The following PIP5K1C variants were observed in gnomAD, a reference collection of about 807,000 sequenced individuals.
The protein encoded by PIP5K1C is phosphatidylinositol 4-phosphate 5-kinase type-1 gamma.
A neutral mutation model predicts 80.1 loss-of-function variants in PIP5K1C; 45 were observed. That is an observed-to-expected ratio of 0.56 (90% CI 0.44 to 0.72). PIP5K1C has a LOEUF of 0.72. PIP5K1C is among the 30% of genes least tolerant of loss of function. The probability of loss-of-function intolerance (pLI) is 0.00; values close to 1 mark genes in which losing one functional copy is unlikely to be tolerated. For synonymous variants in PIP5K1C, 498 were observed against 420.1 expected (o/e 1.19, Z -2.27); for missense variants, 753 against 954.6 (o/e 0.79, Z 2.78).
At position 3,637,774 on chromosome 19, in the gene PIP5K1C, G is replaced by A. The variant is rs1242380441; in HGVS notation, c.1920+1110C>T. The A allele has an allele frequency of 1.3e-6, 2 of 1,532,802 alleles. No homozygotes were observed. Among genetic ancestry groups the A allele is most frequent in the Admixed American group, 2.0e-5 (1 of 50,944 alleles). 95.0% of individuals were successfully genotyped at this position (1,532,802 alleles called of 1,614,324 possible). ...AGAAGGTGGGGGGTGCCGGGGCAGG[G>A]GCAGGACCGAGGACCCTTCTCCCTT... is the stretch of plus-strand genomic sequence containing the variant. On this transcript the variant is annotated intron_variant, in intron 16 of 17. Coordinates refer to ENST00000335312, the MANE Select transcript of PIP5K1C (RefSeq NM_012398.3). The surrounding 1 kb of genome is among the most constrained non-coding windows in gnomAD (Gnocchi z 7.0).
Position 3,656,465 on chromosome 19 carries a change from G to A in PIP5K1C, c.561C>T (p.Ile187=), listed in dbSNP as rs139385951. 2.8e-5 allele frequency: 45 copies of A among 1,613,618 alleles called. No homozygotes were observed. The African/African-American group carries it at 3.7e-4, about 13-fold the overall frequency. ...FYVTSDDEFI[I]KTVMHKEAEF... ...CGGCCTCCTTGTGCATGACGGTCTT[G>A]ATGATGAACTCGTCGTCGCTGGTGA... The change falls in exon 6 of 18, where the codon ATC becomes ATT. Residue 187 remains isoleucine, a synonymous_variant. Coordinates refer to ENST00000335312, the MANE Select transcript of PIP5K1C (RefSeq NM_012398.3).
At chr19:3,671,657 G>T (rs1266731934) in intron 1 of PIP5K1C, among the ~76,000 whole-genome samples, 1 of 152,216 alleles carries the variant, frequency 6.6e-6, no homozygotes, top group African/African-American at 2.4e-5. Flanking sequence ...GGGCAGGCAG[G>T]AACGGGCAGC....
chr19:3,690,643 C>G (rs533604301), intron 1 of PIP5K1C, among the ~76,000 whole-genome samples: 18 of 152,248 alleles, frequency 1.2e-4, no homozygotes, highest in African/African-American at 4.1e-4. Flanking sequence ...ACCACATAAA[C>G]CCCAAAATAC....
rs1054383550 is a variant in PIP5K1C at position 3,632,938 on chromosome 19, C to T, written c.*229G>A. 18 of 530,416 alleles carry T rather than the reference C, an allele frequency of 3.4e-5. No homozygotes were observed. The highest frequency in any genetic ancestry group is 8.0e-5 in the African/African-American group (4 of 49,820). The allele number at this position is 530,416 out of a possible 1,614,324, so 32.9% of individuals were successfully genotyped here. A position where few individuals can be genotyped will look rare whatever the true frequency, so the allele number is the denominator to read the frequency against. ...AAGGACTCAAATGCGATTGGCCGCTCGGGAGGGTGGGTCTCACAGGGGCAG... is the reference window on the plus strand; with the variant it reads ...AAGGACTCAAATGCGATTGGCCGCTTGGGAGGGTGGGTCTCACAGGGGCAG... On this transcript the variant is annotated 3_prime_UTR_variant, in exon 18 of 18. Transcript: ENST00000335312.
rs994180789 is a variant in PIP5K1C, at chr19:3,688,095, C to T, written c.94+12202G>A. Among the ~76,000 whole-genome samples, 3 of 152,140 alleles carry T rather than the reference C, an allele frequency of 2.0e-5. No individual in the cohort carries two copies. The highest frequency in any genetic ancestry group is 4.8e-5 in the African/African-American group (2 of 41,430). On this transcript the variant is annotated intron_variant, in intron 1 of 17. Transcript: ENST00000335312. The surrounding 1 kb of genome is among the most constrained non-coding windows in gnomAD (Gnocchi z 5.3). ...GCCAGCCCCTGGGGGAAGCCCGGCC[C>T]GTGCGGGCTGCGGGAGATCCTGATG...
chr19:3,695,351 C>T (rs1449948062), intron 1 of PIP5K1C, among the ~76,000 whole-genome samples: 5 of 152,230 alleles, frequency 3.3e-5, no homozygotes, highest in African/African-American at 1.2e-4. Flanking sequence ...TCCCTCTCCT[C>T]CAACAGCAAC....
intron 8 of PIP5K1C, among the ~76,000 whole-genome samples, chr19:3,650,536 A>G (rs1170994787): frequency 1.3e-5 from 2 of 152,210 alleles, no homozygotes; most frequent in Non-Finnish European, 2.9e-5. Context: ...GACGCTGCTC[A>G]GCACCCTGCA....
intron 1 of PIP5K1C, among the ~76,000 whole-genome samples, chr19:3,668,767 C>T (rs977496910): frequency 3.3e-5 from 5 of 152,004 alleles, no homozygotes; most frequent in African/African-American, 1.2e-4. Context: ...AGGCGGGGTG[C>T]GGATCAGCAA....
intron 14 of PIP5K1C, 47 bp downstream of exon 14, chr19:3,642,860 C>G: frequency 6.6e-7 from 1 of 1,525,572 alleles, no homozygotes; most frequent in Non-Finnish European, 9.1e-7. Context: ...GGGAGCTGTG[C>G]AGGAGGAGCT....
At position 3,637,774 on chromosome 19, in the gene PIP5K1C, G is replaced by T. The variant is rs1242380441; in HGVS notation, c.1920+1110C>A. On this transcript the variant is annotated intron_variant, in intron 16 of 17. Coordinates refer to ENST00000335312, the MANE Select transcript of PIP5K1C (RefSeq NM_012398.3). This position sits in a 1 kb window ranked among gnomAD's most constrained non-coding sequence, Gnocchi z 7.0. ...AGAAGGTGGGGGGTGCCGGGGCAGG[G>T]GCAGGACCGAGGACCCTTCTCCCTT... The T allele has an allele frequency of 6.5e-7, 1 of 1,532,686 alleles. No individual in the cohort carries two copies. Among genetic ancestry groups the T allele is most frequent in the Non-Finnish European group, 8.7e-7 (1 of 1,145,976 alleles). The allele number at this position is 1,532,686 out of a possible 1,614,324, so 94.9% of individuals were successfully genotyped here. A position where few individuals can be genotyped will look rare whatever the true frequency, so the allele number is the denominator to read the frequency against.
chr19:3,676,119 C>G (rs2035349028), intron 1 of PIP5K1C, among the ~76,000 whole-genome samples: 1 of 152,094 alleles, frequency 6.6e-6, no homozygotes, highest in Non-Finnish European at 1.5e-5. Flanking sequence ...GATTCTGACA[C>G]CGCTGGGGAG....
Position 3,697,082 on chromosome 19 carries a change from G to C in PIP5K1C, c.94+3215C>G, listed in dbSNP as rs116421286. On this transcript the variant is annotated intron_variant, in intron 1 of 17. Coordinates refer to ENST00000335312, the MANE Select transcript of PIP5K1C (RefSeq NM_012398.3). ...GGGAGGACCGAGCTGGACCAAGGAGGACCGAGCTGGACCGAGGAGGACCAA... is the reference window on the plus strand; with the variant it reads ...GGGAGGACCGAGCTGGACCAAGGAGCACCGAGCTGGACCGAGGAGGACCAA... 7.9e-3 allele frequency among the ~76,000 whole-genome samples: 1,206 copies of C among 151,856 alleles called. 14 individuals carry two copies. The highest frequency in any genetic ancestry group is 0.027 in the African/African-American group (1,118 of 41,364).
Position 3,696,499 on chromosome 19 carries a change from G to A in PIP5K1C, c.94+3798C>T, listed in dbSNP as rs1201239319. 1.3e-5 allele frequency among the ~76,000 whole-genome samples: 2 copies of A among 151,720 alleles called. No individual in the cohort carries two copies. The highest frequency in any genetic ancestry group is 6.6e-5 in the Admixed American group (1 of 15,234). ...AGGGGACGGAGAAGGGGAGACCGCT[G>A]TGTGGTGACAGCAGGGCAGGGAGGC... On this transcript the variant is annotated intron_variant, in intron 1 of 17. Coordinates refer to ENST00000335312, the MANE Select transcript of PIP5K1C (RefSeq NM_012398.3). This position sits in a 1 kb window ranked among gnomAD's most constrained non-coding sequence, Gnocchi z 4.1.
intron 1 of PIP5K1C, among the ~76,000 whole-genome samples, chr19:3,697,065 C>CGCGCTG (rs2036136527): frequency 1.4e-5 from 2 of 145,746 alleles, no homozygotes; most frequent in Admixed American, 6.7e-5. Flanking sequence ...CGGGGAGGAC[C>CGCGCTG]GAGCTGGACC....
chr19:3,639,500 C>T (rs748777761), intron 15 of PIP5K1C, among the ~76,000 whole-genome samples: 10 of 152,308 alleles, frequency 6.6e-5, no homozygotes, highest in South Asian at 6.2e-4. Flanking sequence ...GCTGTCATCA[C>T]GGCTCACTAC....
At chr19:3,645,099 C>A (rs985631983) in intron 11 of PIP5K1C, among the ~76,000 whole-genome samples, 2 of 152,192 alleles carry the variant, frequency 1.3e-5, no homozygotes, top group Non-Finnish European at 2.9e-5. Context: ...GACCTCGAGG[C>A]CGTGAGCAAG....
chr19:3,697,980 T>C lies in PIP5K1C; in HGVS notation c.94+2317A>G, dbSNP rs538370194. On this transcript the variant is annotated intron_variant, in intron 1 of 17. Transcript: ENST00000335312. ...CCAAATTCTAAACACCAACGAGACA[T>C]TGCTTTGCCTCCCATCGGATCAGCC... 5.3e-5 allele frequency among the ~76,000 whole-genome samples: 8 copies of C among 152,338 alleles called. No individual in the cohort carries two copies. The South Asian group carries it at 1.2e-3, about 24-fold the overall frequency.
intron 1 of PIP5K1C, among the ~76,000 whole-genome samples, chr19:3,678,498 G>A (rs1421479496): frequency 2.4e-5 from 3 of 125,936 alleles, no homozygotes; most frequent in Non-Finnish European, 3.4e-5. Context: ...GAGGCAAGGA[G>A]GATGGAAGGA....
At position 3,631,117 on chromosome 19, in the gene PIP5K1C, G is replaced by A. The variant is rs928698859; in HGVS notation, c.*2050C>T. The A allele has an allele frequency of 1.8e-4, 27 of 152,278 alleles. No homozygotes were observed. The highest frequency in any genetic ancestry group is 1.3e-3 in the Admixed American group (20 of 15,294). 9.4% of individuals were successfully genotyped at this position (152,278 alleles called of 1,614,324 possible). A position where few individuals can be genotyped will look rare whatever the true frequency, so the allele number is the denominator to read the frequency against. The stretch of plus-strand genomic sequence containing the variant: ...CACATTTCTCCTGCAAAGGCGCGTC[G>A]GCCGGGCACTGGTGTCCCGTGTCAC... On this transcript the variant is annotated 3_prime_UTR_variant, in exon 18 of 18. Coordinates refer to ENST00000335312, the MANE Select transcript of PIP5K1C (RefSeq NM_012398.3).
Sources: gnomAD v4.1 joint callset for allele counts (sites outside exome capture counted in the v4.1 genomes callset) on GRCh38, gnomAD v4.1.1 for gene constraint, Gnocchi (gnomAD v3.1) non-coding constraint, MANE v1.5 for transcripts, NCBI Gene and HGNC (gene_info 2026-07-23, HGNC 2026-07-21) for gene names.